Variants in TRAPPC6A observed in about 807,000 individuals in gnomAD.
TRAPPC6A encodes trafficking protein particle complex subunit 6A.
Under a neutral mutation model 20.8 loss-of-function variants are expected in TRAPPC6A, and 25 were observed. The observed-to-expected ratio is 1.20, with a 90% CI of 0.88 to 1.68. TRAPPC6A has a LOEUF of 1.68. Among genes scored for constraint, TRAPPC6A ranks in the 40% most tolerant of loss-of-function variants. TRAPPC6A has a pLI of 0.00. For missense variants in TRAPPC6A, 215 were observed against 211.6 expected, an observed-to-expected ratio of 1.02 and a Z score of -0.10; for synonymous variants, 96 against 93.3, an observed-to-expected ratio of 1.03 and a Z score of -0.16.
chr19:45,170,861 G>C (rs532740795), intron 1 of TRAPPC6A, among the ~76,000 whole-genome samples: 2 of 152,352 alleles, frequency 1.3e-5, no homozygotes, highest in African/African-American at 4.8e-5. Flanking sequence ...CAGCAAAAGG[G>C]AGGGGCCGAG....
chr19:45,164,241 A>T lies in TRAPPC6A; in HGVS notation c.277T>A (p.Tyr93Asn), dbSNP rs142501705. ...GGGAAGCTGTTGTCTTGCAGGACGT[A>T]GGTCCCCTGGGGGAGAGGAGAGGCT... ...DSLRTNHQGT[Y>N]VLQDNSFPLL... Residue 93 changes from tyrosine (Y) to asparagine (N), a missense_variant, in exon 4 of 6, where the codon TAC becomes AAC. Tyr to Asn is a moderately radical substitution (Grantham distance 143, BLOSUM62 -2). Coordinates refer to ENST00000585934, the MANE Select transcript of TRAPPC6A (RefSeq NM_001270891.2). The T allele has an allele frequency of 2.8e-3, 4,517 of 1,603,892 alleles. 14 individuals are homozygous for T. Among genetic ancestry groups the T allele is most frequent in the Non-Finnish European group, 3.2e-3 (3,764 of 1,174,734 alleles).
At chr19:45,169,387 C>G (rs577387905) in intron 1 of TRAPPC6A, among the ~76,000 whole-genome samples, 1 of 152,350 alleles carries the variant, frequency 6.6e-6, no homozygotes, top group African/African-American at 2.4e-5. Flanking sequence ...GCCTCTACCT[C>G]CTGGGTTCAG....
At chr19:45,177,187 G>GCGCGCACACACACA (rs1491093900) in intron 1 of TRAPPC6A, among the ~76,000 whole-genome samples, 8 of 101,850 alleles carry the variant, frequency 7.9e-5, no homozygotes, top group Non-Finnish European at 1.5e-4. Flanking sequence ...GGATGCGCGT[G>GCGCGCACACACACA]CGCGCACACA....
chr19:45,167,851 TAGCC>T (rs1969188852), intron 1 of TRAPPC6A, among the ~76,000 whole-genome samples: 2 of 152,088 alleles, frequency 1.3e-5, no homozygotes, highest in African/African-American at 2.4e-5. Context: ...ATACAAAAGT[TAGCC>T]AGGTGTGGTG....
At chr19:45,165,433 C>A (rs1283870911) in intron 1 of TRAPPC6A, among the ~76,000 whole-genome samples, 2 of 152,208 alleles carry the variant, frequency 1.3e-5, no homozygotes, top group East Asian at 3.9e-4. Context: ...GATCATCAGC[C>A]CCCAAGAACC....
intron 1 of TRAPPC6A, among the ~76,000 whole-genome samples, chr19:45,170,219 C>T (rs1442215932): frequency 6.6e-6 from 1 of 152,266 alleles, no homozygotes; most frequent in Non-Finnish European, 1.5e-5. Flanking sequence ...ACGCAGGCCA[C>T]GTTGCCTGAA....
At chr19:45,166,323 C>T (rs1013428368) in intron 1 of TRAPPC6A, among the ~76,000 whole-genome samples, 2 of 152,096 alleles carry the variant, frequency 1.3e-5, no homozygotes, top group East Asian at 3.9e-4. Flanking sequence ...TCTCCTGCCT[C>T]AGCCTCCCGA....
intron 3 of TRAPPC6A, 54 bp downstream of exon 3, chr19:45,164,799 C>T (rs1969109816): frequency 1.3e-6 from 2 of 1,540,536 alleles, no homozygotes; most frequent in South Asian, 1.1e-5. Context: ...CCCTCCCACT[C>T]TCTTGGTCTT....
At position 45,168,185 on chromosome 19, in the gene TRAPPC6A, A is replaced by G. The variant is rs932839121; in HGVS notation, c.85-2991T>C. Among the ~76,000 whole-genome samples the G allele has an allele frequency of 3.3e-5, 5 of 151,676 alleles. No homozygotes were observed. The South Asian group carries it at 6.2e-4, about 19-fold the overall frequency. On this transcript the variant is annotated intron_variant, in intron 1 of 5. Transcript: ENST00000585934. ...GCCCAGCTAATTTTTTTGTATTTTTAGCAGGGACGGGGTTTCACCATGTTA... is the reference window on the plus strand; with the variant it reads ...GCCCAGCTAATTTTTTTGTATTTTTGGCAGGGACGGGGTTTCACCATGTTA...
At position 45,173,746 on chromosome 19, in the gene TRAPPC6A, C is replaced by T. The variant is rs1969309771; in HGVS notation, c.84+4389G>A. ...AGAGAAAGGACTGAGGAAGCCGTTT[C>T]TCATGACAGGCCCCCTGAAAAACGG... On this transcript the variant is annotated intron_variant, in intron 1 of 5. Transcript: ENST00000585934. The surrounding 1 kb of genome is among the most constrained non-coding windows in gnomAD (Gnocchi z 4.8). 6.6e-6 allele frequency among the ~76,000 whole-genome samples: 1 copy of T among 152,224 alleles called. No individual in the cohort carries two copies.
intron 1 of TRAPPC6A, among the ~76,000 whole-genome samples, chr19:45,166,642 T>A (rs1969159578): frequency 6.6e-6 from 1 of 151,816 alleles, no homozygotes; most frequent in Non-Finnish European, 1.5e-5. Flanking sequence ...AGAGAAAGCC[T>A]GGCAGAGCAG....
rs553336929 is a variant in TRAPPC6A at position 45,171,230 on chromosome 19, A to G, written c.85-6036T>C. Among the ~76,000 whole-genome samples, 3 of 152,288 alleles carry G rather than the reference A, an allele frequency of 2.0e-5. No individual in the cohort carries two copies. In the South Asian group the frequency reaches 6.2e-4, roughly 32 times the overall value. On this transcript the variant is annotated intron_variant, in intron 1 of 5. Coordinates refer to ENST00000585934, the MANE Select transcript of TRAPPC6A (RefSeq NM_001270891.2). ...GCCACCAGGATCGCTTGAACCCGGG[A>G]GGCAGAGGTTTCAGTGAGCTGAGAT...
rs369046871 is a variant in TRAPPC6A at position 45,177,186 on chromosome 19, T to TGCGC, written c.84+945_84+948dup. Among the ~76,000 whole-genome samples the TGCGC allele has an allele frequency of 6.5e-4, 65 of 99,842 alleles. 1 individual carries two copies. The highest frequency in any genetic ancestry group is 3.3e-3 in the African/African-American group (62 of 18,508). The allele number at this position is 99,842 out of a possible 152,430, so 65.5% of individuals were successfully genotyped here. A position where few individuals can be genotyped will look rare whatever the true frequency, so the allele number is the denominator to read the frequency against. On this transcript the variant is annotated intron_variant, in intron 1 of 5. Coordinates refer to ENST00000585934, the MANE Select transcript of TRAPPC6A (RefSeq NM_001270891.2). The stretch of plus-strand genomic sequence containing the variant: ...CCTGGGCGACCGAGCAGGATGCGCG[T>TGCGC]GCGCGCACACACACACACACACACA...
chr19:45,168,479 A>G (rs1969206682), intron 1 of TRAPPC6A, among the ~76,000 whole-genome samples: 1 of 152,150 alleles, frequency 6.6e-6, no homozygotes, highest in African/African-American at 2.4e-5. Flanking sequence ...ACTCACTCAC[A>G]CTGGGCCCAC....
At chr19:45,177,990 C>T (rs1375816235) in intron 1 of TRAPPC6A, 145 bp downstream of exon 1, 4 of 1,458,180 alleles carry the variant, frequency 2.7e-6, no homozygotes, top group African/African-American at 1.4e-5. Flanking sequence ...ACGCCACTTT[C>T]CAAAGGAGGA....
rs1472541891 is a variant in TRAPPC6A, at chr19:45,173,239, G to C, written c.84+4896C>G. ...TTCCTCCAAGGGCTTCTCCTCCTTA[G>C]AGAACAAAGGCCTTCCTGGCCCCTC... is the stretch of plus-strand genomic sequence containing the variant. On this transcript the variant is annotated intron_variant, in intron 1 of 5. Coordinates refer to ENST00000585934, the MANE Select transcript of TRAPPC6A (RefSeq NM_001270891.2). This position sits in a 1 kb window ranked among gnomAD's most constrained non-coding sequence, Gnocchi z 4.8. Among the ~76,000 whole-genome samples the C allele has an allele frequency of 6.6e-6, 1 of 151,726 alleles. No individual in the cohort carries two copies. Among genetic ancestry groups the C allele is most frequent in the Non-Finnish European group, 1.5e-5 (1 of 67,934 alleles).
chr19:45,178,004 C>A, intron 1 of TRAPPC6A, 131 bp downstream of exon 1: 1 of 1,498,050 alleles, frequency 6.7e-7, no homozygotes, highest in South Asian at 1.2e-5. Context: ...AGGAGGAAGC[C>A]AGGGCCAGAC....
At chr19:45,170,858 A>G (rs937850210) in intron 1 of TRAPPC6A, among the ~76,000 whole-genome samples, 14 of 152,204 alleles carry the variant, frequency 9.2e-5, no homozygotes, top group African/African-American at 3.4e-4. Flanking sequence ...TCACAGCAAA[A>G]GGGAGGGGCC....
intron 1 of TRAPPC6A, among the ~76,000 whole-genome samples, chr19:45,174,916 C>A (rs1269393437): frequency 6.9e-6 from 1 of 145,824 alleles, no homozygotes; most frequent in Non-Finnish European, 1.5e-5. Context: ...GTCAGGAGAT[C>A]GAGACCATCC....
Sources: gnomAD v4.1 joint callset for allele counts (sites outside exome capture counted in the v4.1 genomes callset) on GRCh38, gnomAD v4.1.1 for gene constraint, Gnocchi (gnomAD v3.1) non-coding constraint, MANE v1.5 for transcripts, NCBI Gene and HGNC (gene_info 2026-07-23, HGNC 2026-07-21) for gene names.